Variants in CDH12 observed in about 807,000 individuals in gnomAD.
CDH12 encodes the protein cadherin-12.
Under a neutral mutation model 74.1 loss-of-function variants are expected in CDH12, and 41 were observed. The ratio of observed to expected loss-of-function variants is 0.55; its 90% CI spans 0.43 to 0.72. CDH12 has a LOEUF of 0.72. Among genes scored for constraint, CDH12 ranks in the 30% least tolerant of loss-of-function variants. CDH12 has a pLI of 0.00. For missense variants in CDH12, 945 were observed against 977.2 expected, an observed-to-expected ratio of 0.97 and a Z score of 0.44; for synonymous variants, 399 against 355.0, an observed-to-expected ratio of 1.12 and a Z score of -1.39.
At chr5:22,091,197 GTA>G (rs144921991) in intron 4 of CDH12, among the ~76,000 whole-genome samples, 38,896 of 131,782 alleles carry the variant, frequency 0.3, 5,520 homozygotes, top group African/African-American at 0.45. Context: ...GTGTGTGTGT[GTA>G]TATATATATA....
In CDH12 at chr5:22,719,836, T is replaced by C. The variant is rs1237008639; in HGVS notation, c.-523+133222A>G. 5.9e-5 allele frequency among the ~76,000 whole-genome samples: 9 copies of C among 152,134 alleles called. 1 individual carries two copies. In the South Asian group the frequency reaches 1.4e-3, roughly 25 times the overall value. On this transcript the variant is annotated intron_variant, in intron 1 of 14. Coordinates refer to ENST00000382254, the MANE Select transcript of CDH12 (RefSeq NM_004061.5). The stretch of plus-strand genomic sequence containing the variant: ...CTTTGCTATAATTGGAAATATTAGC[T>C]TGGACATGTTACTTGGTCTCTCTGT...
chr5:22,631,333 T>C (rs1184023107), intron 1 of CDH12, among the ~76,000 whole-genome samples: 1 of 152,142 alleles, frequency 6.6e-6, no homozygotes, highest in Non-Finnish European at 1.5e-5. Context: ...GACACATGCA[T>C]GTATATGCGT....
intron 4 of CDH12, among the ~76,000 whole-genome samples, chr5:22,208,257 C>T (rs1397977090): frequency 2.0e-5 from 3 of 152,070 alleles, no homozygotes; most frequent in Non-Finnish European, 4.4e-5. Flanking sequence ...AATGGATTAA[C>T]AGGACTAAAA....
intron 1 of CDH12, among the ~76,000 whole-genome samples, chr5:22,565,412 G>T (rs918832): frequency 2.2e-4 from 34 of 151,898 alleles, no homozygotes; most frequent in African/African-American, 8.0e-4. Context: ...TTTCAACAAG[G>T]TGTGTTCAAA....
chr5:22,575,377 T>C (rs535642848), intron 1 of CDH12, among the ~76,000 whole-genome samples: 2 of 151,718 alleles, frequency 1.3e-5, no homozygotes, highest in East Asian at 2.0e-4. Context: ...AAAATTGCTA[T>C]GCAGTTGTGG....
intron 6 of CDH12, among the ~76,000 whole-genome samples, chr5:21,863,851 G>C (rs1229615670): frequency 6.6e-6 from 1 of 152,126 alleles, no homozygotes; most frequent in East Asian, 1.9e-4. Context: ...TCTCAGAACT[G>C]ATGCATGTAA....
chr5:22,006,778 G>A (rs1422151145), intron 5 of CDH12, among the ~76,000 whole-genome samples: 1 of 152,004 alleles, frequency 6.6e-6, no homozygotes, highest in African/African-American at 2.4e-5. Flanking sequence ...TAGCACATTA[G>A]GTCGCTCTAA....
chr5:22,232,796 T>C (rs948075326), intron 3 of CDH12, among the ~76,000 whole-genome samples: 1 of 150,026 alleles, frequency 6.7e-6, no homozygotes, highest in Non-Finnish European at 1.5e-5. Flanking sequence ...TCATTCTCTC[T>C]AAGAAATGTA....
chr5:21,758,859 A>G (rs972629253), intron 13 of CDH12, among the ~76,000 whole-genome samples: 4 of 152,182 alleles, frequency 2.6e-5, no homozygotes, highest in Admixed American at 6.5e-5. Flanking sequence ...AAGCAAATTG[A>G]TACAGAAGCA....
At chr5:22,292,660 T>C (rs1248856295) in intron 3 of CDH12, among the ~76,000 whole-genome samples, 2 of 151,036 alleles carry the variant, frequency 1.3e-5, no homozygotes, top group Non-Finnish European at 3.0e-5. Context: ...AAATGACCAA[T>C]AGGTAAATAA....
intron 3 of CDH12, among the ~76,000 whole-genome samples, chr5:22,238,771 C>T (rs928191037): frequency 5.3e-5 from 8 of 152,088 alleles, no homozygotes; most frequent in African/African-American, 1.9e-4. Context: ...TAATAAGAGC[C>T]CTCTTACTTA....
intron 4 of CDH12, among the ~76,000 whole-genome samples, chr5:22,082,901 T>A (rs543401547): frequency 1.3e-5 from 2 of 152,336 alleles, no homozygotes; most frequent in Non-Finnish European, 1.5e-5. Flanking sequence ...TGCATTTCTC[T>A]CTCAAAGTAG....
At chr5:21,752,536 T>C (rs1744157236) in intron 14 of CDH12, among the ~76,000 whole-genome samples, 1 of 152,206 alleles carries the variant, frequency 6.6e-6, no homozygotes, top group Non-Finnish European at 1.5e-5. Context: ...ATAGTAGTTC[T>C]TCCACTCATA....
intron 1 of CDH12, among the ~76,000 whole-genome samples, chr5:22,685,501 G>T (rs1741735599): frequency 6.6e-6 from 1 of 152,198 alleles, no homozygotes; most frequent in Non-Finnish European, 1.5e-5. Flanking sequence ...CTCCCAAAGT[G>T]CTGGGATTAC....
At chr5:22,754,635 G>A (rs979540186) in intron 1 of CDH12, among the ~76,000 whole-genome samples, 38 of 151,858 alleles carry the variant, frequency 2.5e-4, no homozygotes, top group African/African-American at 8.0e-4. Flanking sequence ...AGTCCTTAGA[G>A]GGACTGAAAG....
At chr5:22,728,294 T>A (rs1299520706) in intron 1 of CDH12, among the ~76,000 whole-genome samples, 1 of 151,882 alleles carries the variant, frequency 6.6e-6, no homozygotes, top group Non-Finnish European at 1.5e-5. Context: ...ACTGCCAAAA[T>A]TTTTAATCTT....
chr5:22,033,214 T>G (rs1738946306), intron 5 of CDH12, among the ~76,000 whole-genome samples: 1 of 152,184 alleles, frequency 6.6e-6, no homozygotes, highest in South Asian at 2.1e-4. Context: ...TGTAATTTAT[T>G]GCTCCAGGAA....
chr5:22,016,405 G>GT (rs1001747795), intron 5 of CDH12, among the ~76,000 whole-genome samples: 7 of 151,424 alleles, frequency 4.6e-5, no homozygotes, highest in East Asian at 3.9e-4. Flanking sequence ...TTTTTTGTTT[G>GT]TTTTTTTTGG....
intron 6 of CDH12, among the ~76,000 whole-genome samples, chr5:21,920,733 C>T (rs1448945603): frequency 1.3e-5 from 2 of 151,234 alleles, no homozygotes; most frequent in Non-Finnish European, 2.9e-5. Context: ...GCTTAAGAAA[C>T]TATTCAGAGA....
Sources: allele counts gnomAD v4.1 joint callset (sites outside exome capture counted in the v4.1 genomes callset), GRCh38; gene constraint gnomAD v4.1.1; transcripts MANE v1.5; gene names NCBI Gene and HGNC (gene_info 2026-07-23, HGNC 2026-07-21).